The following WDR91 variants were observed in gnomAD, a reference collection of about 807,000 sequenced individuals.
WDR91 encodes the protein WD repeat domain 91, also known as WD repeat-containing protein 91.
A neutral mutation model predicts 88.4 loss-of-function variants in WDR91; 52 were observed. The observed-to-expected ratio is 0.59, with a 90% CI of 0.47 to 0.74. WDR91 has a LOEUF of 0.74. WDR91 is among the 30% of genes least tolerant of loss of function. WDR91 has a pLI of 0.00. For synonymous variants in WDR91, 362 were observed against 389.5 expected (o/e 0.93, Z 0.83); for missense variants, 824 against 954.5 (o/e 0.86, Z 1.80).
Position 135,188,447 on chromosome 7 carries a change from C to T in WDR91, c.1867G>A (p.Gly623Ser), listed in dbSNP as rs769664175. Residue 623 changes from glycine to serine, a missense_variant, in exon 13 of 15, where the codon GGC (glycine) becomes AGC (serine). By Grantham distance (56) the Gly-to-Ser change is moderately conservative. Transcript: ENST00000354475. The stretch of plus-strand genomic sequence containing the variant: ...CAGCCGCCTACCTTCCCGTCCTCGC[C>T]GATGCTGTACACGGTGTTCTCATCA... ...SYDENTVYSI[G>S]EDGKFIQWNI... 1.5e-5 allele frequency: 24 copies of T among 1,613,910 alleles called. No individual in the cohort carries two copies. The highest frequency in any genetic ancestry group is 4.5e-5 in the East Asian group (2 of 44,884).
chr7:135,196,630 G>C lies in WDR91; in HGVS notation c.1051-293C>G, dbSNP rs188123452. Reference sequence around the variant, plus strand: ...CTGATGGGACCCAGGACACACATCTGCCTTGACAACAGGCCAGGCGGAGGA... The same window carrying C: ...CTGATGGGACCCAGGACACACATCTCCCTTGACAACAGGCCAGGCGGAGGA... On this transcript the variant is annotated intron_variant, in intron 7 of 14. Coordinates refer to ENST00000354475, the MANE Select transcript of WDR91 (RefSeq NM_014149.4). The surrounding 1 kb of genome is among the most constrained non-coding windows in gnomAD (Gnocchi z 4.2). Among the ~76,000 whole-genome samples, 31 of 152,302 alleles carry C rather than the reference G, an allele frequency of 2.0e-4. No homozygotes were observed. Among genetic ancestry groups the C allele is most frequent in the African/African-American group, 6.5e-4 (27 of 41,558 alleles).
Position 135,185,118 on chromosome 7 carries a change from C to T in WDR91, c.*1033G>A, listed in dbSNP as rs1830888062. On this transcript the variant is annotated 3_prime_UTR_variant, in exon 15 of 15. Coordinates refer to ENST00000354475, the MANE Select transcript of WDR91 (RefSeq NM_014149.4). ...CTCCTGACCTTAAGTGATCCACCCA[C>T]CTTGGCCTCCCAAAGTGCTGGGATT... is the stretch of plus-strand genomic sequence containing the variant. 1 of 152,200 alleles carries T rather than the reference C, an allele frequency of 6.6e-6. No individual in the cohort carries two copies. Among genetic ancestry groups the T allele is most frequent in the African/African-American group, 2.4e-5 (1 of 41,430 alleles). The allele number at this position is 152,200 out of a possible 1,614,324, so 9.4% of individuals were successfully genotyped here.
At position 135,193,847 on chromosome 7, in the gene WDR91, A is replaced by AGAC. The variant is rs946329874; in HGVS notation, c.1396-178_1396-176dup. On this transcript the variant is annotated intron_variant, in intron 9 of 14. Transcript: ENST00000354475. ...TGAGCCTCACTTTAAAATTAAACAA[A>AGAC]GACGTGAGAGCTGACCTTGAACTTC... 8.3e-6 allele frequency: 5 copies of AGAC among 600,652 alleles called. No homozygotes were observed. The African/African-American group carries it at 9.3e-5, about 11-fold the overall frequency. The allele number at this position is 600,652 out of a possible 1,614,324, so 37.2% of individuals were successfully genotyped here.
Position 135,207,185 on chromosome 7 carries a change from T to A in WDR91, c.529A>T (p.Asn177Tyr). 1 of 1,606,414 alleles carries A rather than the reference T, an allele frequency of 6.2e-7. No homozygotes were observed. The highest frequency in any genetic ancestry group is 1.1e-5 in the South Asian group (1 of 90,960). The stretch of plus-strand genomic sequence containing the variant: ...GTCCTCTGACACTCCGCATCAAAGT[T>A]CAGGATCACAGGGACTGGTGCACGA... ...FQCMPVPVIL[N>Y]FDAECQRTNQ... The change falls in exon 4 of 15, where the codon AAC (asparagine) becomes TAC (tyrosine). Residue 177 changes from asparagine to tyrosine, a missense_variant. Transcript: ENST00000354475.
Position 135,209,738 on chromosome 7 carries a change from G to T in WDR91, c.141C>A (p.Asp47Glu), listed in dbSNP as rs758224648. 15 of 1,600,436 alleles carry T rather than the reference G, an allele frequency of 9.4e-6. No homozygotes were observed. The highest frequency in any genetic ancestry group is 1.3e-5 in the Non-Finnish European group (15 of 1,172,890). Residue 47 changes from aspartate (D) to glutamate (E), a missense_variant, in exon 2 of 15, where the codon GAC becomes GAA. Transcript: ENST00000354475. The part of the protein sequence containing the change: ...EKGFRVDKIV[D>E]QLQQLMQVYD... The stretch of plus-strand genomic sequence containing the variant: ...ACACCTGCATTAACTGCTGCAGCTG[G>T]TCCACAATCTTATCCACCTGGCGAG...
chr7:135,183,895 T>G lies in WDR91; in HGVS notation c.*2256A>C, dbSNP rs1830847594. On this transcript the variant is annotated 3_prime_UTR_variant, in exon 15 of 15. Coordinates refer to ENST00000354475, the MANE Select transcript of WDR91 (RefSeq NM_014149.4). Reference sequence around the variant, plus strand: ...CGCTCACCCGGGATGGAGTAAGAAGTGGGATGGGAGAAGCGTAGGGTTCAA... The same window carrying G: ...CGCTCACCCGGGATGGAGTAAGAAGGGGGATGGGAGAAGCGTAGGGTTCAA... The G allele has an allele frequency of 6.6e-6, 1 of 151,846 alleles. No individual in the cohort carries two copies. Among genetic ancestry groups the G allele is most frequent in the Admixed American group, 6.6e-5 (1 of 15,252 alleles). The allele number at this position is 151,846 out of a possible 1,614,324, so 9.4% of individuals were successfully genotyped here. A position where few individuals can be genotyped will look rare whatever the true frequency, so the allele number is the denominator to read the frequency against.
chr7:135,198,186 C>G, intron 6 of WDR91, 35 bp from the exon 7 acceptor site: 1 of 1,596,714 alleles, frequency 6.3e-7, no homozygotes. Flanking sequence ...AAGTCTCTTC[C>G]CATCTGCCCA....
intron 11 of WDR91, among the ~76,000 whole-genome samples, chr7:135,191,330 G>A (rs923910661): frequency 5.3e-5 from 8 of 152,238 alleles, no homozygotes; most frequent in South Asian, 4.2e-4. Flanking sequence ...AAGGCAGGCC[G>A]GGTGCAGTGG....
At chr7:135,195,669 C>G (rs769260200) in intron 8 of WDR91, among the ~76,000 whole-genome samples, 1 of 152,140 alleles carries the variant, frequency 6.6e-6, no homozygotes, top group African/African-American at 2.4e-5. Flanking sequence ...CAGAGAGGCC[C>G]GGTGCGGTGG....
chr7:135,192,434 A>G (rs1015682293), intron 11 of WDR91, among the ~76,000 whole-genome samples: 1 of 152,190 alleles, frequency 6.6e-6, no homozygotes. Flanking sequence ...CCCAATTTCT[A>G]AGTGAGGCAC....
intron 3 of WDR91, among the ~76,000 whole-genome samples, chr7:135,207,568 A>G (rs1427385071): frequency 2.0e-5 from 3 of 152,248 alleles, no homozygotes; most frequent in Non-Finnish European, 4.4e-5. Context: ...CATTCAGCTA[A>G]AAGCAGCCCT....
At position 135,193,371 on chromosome 7, in the gene WDR91, C is replaced by T. The variant is rs537057371; in HGVS notation, c.1519G>A (p.Gly507Arg). 4.3e-6 allele frequency: 7 copies of T among 1,614,188 alleles called. No homozygotes were observed. Among genetic ancestry groups the T allele is most frequent in the South Asian group, 3.3e-5 (3 of 91,074 alleles). ...GCTGCCGAACAGACGAAAGAGGCCC[C>T]GTTGGGGCTGCACGCAAGAGACAGG... is the stretch of plus-strand genomic sequence containing the variant. ...RILSLACSPN[G>R]ASFVCSAAAP... The change falls in exon 11 of 15, where the codon GGG becomes AGG. Residue 507 changes from glycine to arginine, a missense_variant. Physicochemically the swap from Gly to Arg is moderately radical, Grantham distance 125. Transcript: ENST00000354475.
intron 12 of WDR91, 106 bp from the exon 13 acceptor site, chr7:135,188,651 C>T: frequency 1.9e-6 from 2 of 1,034,978 alleles, no homozygotes; most frequent in Non-Finnish European, 2.9e-6. Flanking sequence ...GACAGCTGTT[C>T]TGGAAGCCAA....
At chr7:135,192,220 C>T (rs1472875076) in intron 11 of WDR91, among the ~76,000 whole-genome samples, 1 of 149,838 alleles carries the variant, frequency 6.7e-6, no homozygotes, top group Non-Finnish European at 1.5e-5. Flanking sequence ...CAGGCTCAAG[C>T]AATTCTCTTG....
rs751440461 is a variant in WDR91 at position 135,211,364 on chromosome 7, C to A, written c.123+16G>T. The A allele has an allele frequency of 2.5e-6, 4 of 1,602,002 alleles. No homozygotes were observed. In the Admixed American group the frequency reaches 5.1e-5, roughly 20 times the overall value. On this transcript the variant is annotated intron_variant, in intron 1 of 14. Coordinates refer to ENST00000354475, the MANE Select transcript of WDR91 (RefSeq NM_014149.4). ...TCGGGCCGCCTCTGCCCGCGCCGCTCCCGCCGGCCTCTCACCCGGAACCCC... is the reference window on the plus strand; with the variant it reads ...TCGGGCCGCCTCTGCCCGCGCCGCTACCGCCGGCCTCTCACCCGGAACCCC...
intron 6 of WDR91, 67 bp downstream of exon 6, chr7:135,204,201 G>A: frequency 1.9e-6 from 3 of 1,575,264 alleles, no homozygotes; most frequent in Middle Eastern, 1.7e-4. Flanking sequence ...TGACCAGGAG[G>A]TCTGGAAGCA....
In WDR91 at chr7:135,195,000, G is replaced by C. The variant is rs1831309318; in HGVS notation, c.1329C>G (p.Thr443=). 1.2e-6 allele frequency: 2 copies of C among 1,614,014 alleles called. No individual in the cohort carries two copies. The highest frequency in any genetic ancestry group is 2.7e-5 in the African/African-American group (2 of 74,912). Residue 443 remains threonine (T), a synonymous_variant, in exon 9 of 15, where the codon ACC becomes ACG. Transcript: ENST00000354475. ...GTGATTTGGAAATGGAGGATGCTTT[G>C]GTCTGCATGATGGGGTTGAAGGACC... ...KVWSFNPIMQ[T]KASSISKSPL...
chr7:135,209,247 C>A (rs909746109), intron 2 of WDR91, among the ~76,000 whole-genome samples: 2 of 152,198 alleles, frequency 1.3e-5, no homozygotes, highest in Non-Finnish European at 2.9e-5. Context: ...GTTCAAATAA[C>A]TAAGTGACTC....
At position 135,195,006 on chromosome 7, in the gene WDR91, C is replaced by A; in HGVS notation, c.1323G>T (p.Met441Ile). Residue 441 changes from methionine to isoleucine, a missense_variant, in exon 9 of 15, where the codon ATG (methionine) becomes ATT (isoleucine). Physicochemically the swap from Met to Ile is conservative, Grantham distance 10. Transcript: ENST00000354475. Reference protein sequence around the residue: ...VIKVWSFNPIMQTKASSISKS... With the variant: ...VIKVWSFNPIIQTKASSISKS... ...TGGAAATGGAGGATGCTTTGGTCTG[C>A]ATGATGGGGTTGAAGGACCACACTT... is the stretch of plus-strand genomic sequence containing the variant. 3 of 1,614,130 alleles carry A rather than the reference C, an allele frequency of 1.9e-6. No homozygotes were observed. Among genetic ancestry groups the A allele is most frequent in the Non-Finnish European group, 2.5e-6 (3 of 1,180,036 alleles).
Sources: gnomAD v4.1 joint callset for allele counts (sites outside exome capture counted in the v4.1 genomes callset) on GRCh38, gnomAD v4.1.1 for gene constraint, Gnocchi (gnomAD v3.1) non-coding constraint, MANE v1.5 for transcripts, NCBI Gene and HGNC (gene_info 2026-07-23, HGNC 2026-07-21) for gene names.